The following EXT1 variants were observed in gnomAD, a reference collection of about 807,000 sequenced individuals.
The protein encoded by EXT1 is exostosin-1.
A neutral mutation model predicts 82.5 loss-of-function variants in EXT1; 20 were observed. The observed-to-expected ratio is 0.24, with a 90% confidence interval of 0.17 to 0.35. The LOEUF is 0.35. EXT1 is among the 10% of genes least tolerant of loss of function. EXT1 has a pLI of 1.00. For synonymous variants in EXT1, 348 were observed against 350.8 expected (o/e 0.99, Z 0.09); for missense variants, 757 against 936.5 (o/e 0.81, Z 2.50).
At chr8:118,071,307 G>A (rs935609281) in intron 1 of EXT1, among the ~76,000 whole-genome samples, 4 of 152,106 alleles carry the variant, frequency 2.6e-5, no homozygotes, top group East Asian at 1.9e-4. Flanking sequence ...TACCTCCTGC[G>A]TGACACTGTA....
intron 4 of EXT1, among the ~76,000 whole-genome samples, chr8:117,824,482 G>C (rs7005512): frequency 0.32 from 47,920 of 152,028 alleles, 7,750 homozygotes; most frequent in Middle Eastern, 0.42. Flanking sequence ...TGAATTTAAC[G>C]TGGGTCAAGC....
chr8:117,994,331 G>C (rs1428908986), intron 1 of EXT1, among the ~76,000 whole-genome samples: 1 of 152,190 alleles, frequency 6.6e-6, no homozygotes, highest in East Asian at 1.9e-4. Context: ...ACTTGGATCA[G>C]CTGGGCACAG....
At chr8:117,921,756 T>C (rs1813861303) in intron 1 of EXT1, among the ~76,000 whole-genome samples, 2 of 152,208 alleles carry the variant, frequency 1.3e-5, no homozygotes, top group Admixed American at 6.5e-5. Flanking sequence ...TCTATTTCTA[T>C]GTCTATGATC....
intron 1 of EXT1, among the ~76,000 whole-genome samples, chr8:117,925,732 GAA>G (rs1282993640): frequency 1.5e-5 from 2 of 134,980 alleles, no homozygotes; most frequent in African/African-American, 5.4e-5. Context: ...AAGAAAGAAA[GAA>G]AAAAAAAAAG....
At chr8:118,082,726 T>C (rs1402128087) in intron 1 of EXT1, among the ~76,000 whole-genome samples, 2 of 152,164 alleles carry the variant, frequency 1.3e-5, no homozygotes, top group African/African-American at 4.8e-5. Flanking sequence ...CTAACTATAA[T>C]TATATAGTGA....
At chr8:118,108,079 T>C (rs925492533) in intron 1 of EXT1, among the ~76,000 whole-genome samples, 1 of 152,164 alleles carries the variant, frequency 6.6e-6, no homozygotes, top group Non-Finnish European at 1.5e-5. Flanking sequence ...AGGTCAAAAA[T>C]TAGTTAAATT....
intron 1 of EXT1, among the ~76,000 whole-genome samples, chr8:118,106,110 G>A (rs1049873525): frequency 3.3e-5 from 5 of 152,180 alleles, no homozygotes; most frequent in Non-Finnish European, 7.3e-5. Flanking sequence ...TGCCCTCAGC[G>A]GGAGGTGTGT....
intron 1 of EXT1, among the ~76,000 whole-genome samples, chr8:117,996,684 T>C (rs1255822128): frequency 6.6e-6 from 1 of 152,218 alleles, no homozygotes; most frequent in Non-Finnish European, 1.5e-5. Context: ...AAAATAATCT[T>C]TCATATTAGA....
chr8:117,851,605 C>T (rs1812455751), intron 1 of EXT1, among the ~76,000 whole-genome samples: 1 of 120,732 alleles, frequency 8.3e-6, no homozygotes, highest in African/African-American at 3.0e-5. Flanking sequence ...GAAAGCAGTG[C>T]AATTTAGCTG....
intron 1 of EXT1, among the ~76,000 whole-genome samples, chr8:117,972,897 C>A (rs1387026219): frequency 2.0e-5 from 3 of 152,074 alleles, no homozygotes; most frequent in Non-Finnish European, 4.4e-5. Context: ...CAATTACCTC[C>A]CACCAGATCC....
At chr8:117,824,831 GATT>G (rs1388173589) in intron 4 of EXT1, among the ~76,000 whole-genome samples, 6 of 151,922 alleles carry the variant, frequency 3.9e-5, no homozygotes, top group Admixed American at 3.3e-4. Context: ...ATTTAGGATT[GATT>G]ATTCTTCTTC....
At chr8:117,981,777 C>CTGA (rs1653913873) in intron 1 of EXT1, among the ~76,000 whole-genome samples, 1 of 150,476 alleles carries the variant, frequency 6.6e-6, no homozygotes, top group African/African-American at 2.4e-5. Flanking sequence ...ACTCAGAAGG[C>CTGA]TGAGGCACGA....
At position 117,800,012 on chromosome 8, in the gene EXT1, C is replaced by A. The variant is rs557439554; in HGVS notation, c.2056-115G>T. On this transcript the variant is annotated intron_variant, in intron 10 of 10. Coordinates refer to ENST00000378204, the MANE Select transcript of EXT1 (RefSeq NM_000127.3). Reference sequence around the variant, plus strand: ...AAGCAGCAAAGCTTGGGGTCTGGCCCGGCCACCAAGTCTCACCATCTATGC... The same window carrying A: ...AAGCAGCAAAGCTTGGGGTCTGGCCAGGCCACCAAGTCTCACCATCTATGC... 22 of 1,111,654 alleles carry A rather than the reference C, an allele frequency of 2.0e-5. No homozygotes were observed. The South Asian group carries it at 2.9e-4, about 15-fold the overall frequency. 68.9% of individuals were successfully genotyped at this position (1,111,654 alleles called of 1,614,324 possible).
At chr8:117,986,783 T>C (rs768810256) in intron 1 of EXT1, among the ~76,000 whole-genome samples, 8 of 152,208 alleles carry the variant, frequency 5.3e-5, no homozygotes, top group South Asian at 2.1e-4. Context: ...CAAGTGTTGA[T>C]AGGACAGTCA....
At chr8:117,971,675 A>G (rs1335069243) in intron 1 of EXT1, among the ~76,000 whole-genome samples, 1 of 152,210 alleles carries the variant, frequency 6.6e-6, no homozygotes, top group Non-Finnish European at 1.5e-5. Context: ...AAGAATGCTC[A>G]GCACCCCTGC....
At chr8:118,009,316 T>G (rs1180555508) in intron 1 of EXT1, among the ~76,000 whole-genome samples, 1 of 152,206 alleles carries the variant, frequency 6.6e-6, no homozygotes, top group Non-Finnish European at 1.5e-5. Flanking sequence ...CCAGATTACT[T>G]CAGTCCTGGA....
intron 4 of EXT1, among the ~76,000 whole-genome samples, chr8:117,822,897 TGTGG>T: frequency 1.3e-5 from 2 of 152,186 alleles, no homozygotes; most frequent in Non-Finnish European, 2.9e-5. Context: ...AAATAGACTG[TGTGG>T]AGCAGTTAGT....
intron 1 of EXT1, among the ~76,000 whole-genome samples, chr8:117,945,866 AT>A (rs1340760680): frequency 6.6e-6 from 1 of 152,044 alleles, no homozygotes; most frequent in African/African-American, 2.4e-5. Context: ...TATTTGAAAA[AT>A]ATCAATGTAC....
At chr8:118,107,174 C>T (rs1211885329) in intron 1 of EXT1, among the ~76,000 whole-genome samples, 1 of 152,104 alleles carries the variant, frequency 6.6e-6, no homozygotes, top group Non-Finnish European at 1.5e-5. Context: ...TTTGTATATA[C>T]TCTAACTTGA....
Sources: gnomAD v4.1 joint callset for allele counts (sites outside exome capture counted in the v4.1 genomes callset) on GRCh38, gnomAD v4.1.1 for gene constraint, MANE v1.5 for transcripts, NCBI Gene and HGNC (gene_info 2026-07-23, HGNC 2026-07-21) for gene names.